The following DTNA variants were observed in gnomAD, a reference collection of about 807,000 sequenced individuals.
DTNA encodes dystrophin-related protein 3.
DTNA carries 43 observed loss-of-function variants against 100.7 expected under a neutral mutation model. That is an observed-to-expected ratio of 0.43 (90% CI 0.33 to 0.55). The LOEUF is 0.55. DTNA is among the 20% of genes least tolerant of loss of function. The pLI, the probability that DTNA is intolerant of heterozygous loss-of-function variation, is 0.04. For missense variants in DTNA, 798 were observed against 953.9 expected (o/e 0.84, Z 2.15); for synonymous variants, 349 against 347.9 (o/e 1.00, Z -0.04).
chr18:34,812,840 G>A lies in DTNA; in HGVS notation c.603+727G>A, dbSNP rs930267703. 2.0e-5 allele frequency among the ~76,000 whole-genome samples: 3 copies of A among 152,060 alleles called. No individual in the cohort carries two copies. The South Asian group carries it at 6.2e-4, about 32-fold the overall frequency. On this transcript the variant is annotated intron_variant, in intron 6 of 22. Coordinates refer to ENST00000444659, the MANE Select transcript of DTNA (RefSeq NM_001386795.1). ...CTCATGTGAAATATATGCTTGACCC[G>A]GCAACAAGCTTTAACATTGGTTTAG...
chr18:34,890,629 G>A lies in DTNA; in HGVS notation c.*2895G>A, dbSNP rs190514847. 3 of 920,698 alleles carry A rather than the reference G, an allele frequency of 3.3e-6. No individual in the cohort carries two copies. Among genetic ancestry groups the A allele is most frequent in the African/African-American group, 3.3e-5 (2 of 59,896 alleles). The allele number at this position is 920,698 out of a possible 1,614,324, so 57.0% of individuals were successfully genotyped here. A position where few individuals can be genotyped will look rare whatever the true frequency, so the allele number is the denominator to read the frequency against. On this transcript the variant is annotated 3_prime_UTR_variant, in exon 23 of 23. Transcript: ENST00000444659. ...CCATATTAATGGAGGAGGGGAGGAA[G>A]GTGAAATCTACTGCATGGGATTCAG...
chr18:34,605,662 C>T (rs1229059699), intron 1 of DTNA, among the ~76,000 whole-genome samples: 1 of 151,926 alleles, frequency 6.6e-6, no homozygotes, highest in East Asian at 1.9e-4. Context: ...CACACACACA[C>T]ACACACACAC....
At chr18:34,567,232 T>G (rs529746439) in intron 1 of DTNA, among the ~76,000 whole-genome samples, 96 of 152,334 alleles carry the variant, frequency 6.3e-4, no homozygotes, top group African/African-American at 2.2e-3. Context: ...TTTATTTTAA[T>G]TGTTAACAAT....
At position 34,510,052 on chromosome 18, in the gene DTNA, TGTGA is replaced by T. The variant is rs1223208382; in HGVS notation, c.-2+16546_-2+16549del. On this transcript the variant is annotated intron_variant, in intron 1 of 19. Coordinates refer to the DTNA transcript ENST00000283365. ...GGATAAAAATAGTCCTGTGGTTTCA[TGTGA>T]GTGAGTGTAATTTTGTGTGTGTGTG... Among the ~76,000 whole-genome samples, 70 of 137,238 alleles carry T rather than the reference TGTGA, an allele frequency of 5.1e-4. 1 individual carries two copies. In the Middle Eastern group the frequency reaches 0.011, roughly 21 times the overall value. 90.0% of individuals were successfully genotyped at this position (137,238 alleles called of 152,430 possible). A position where few individuals can be genotyped will look rare whatever the true frequency, so the allele number is the denominator to read the frequency against.
chr18:34,849,320 G>A (rs1266681466), intron 14 of DTNA, among the ~76,000 whole-genome samples: 1 of 152,146 alleles, frequency 6.6e-6, no homozygotes, highest in Non-Finnish European at 1.5e-5. Flanking sequence ...TGAAAGTAAA[G>A]GCAAAACAAG....
At chr18:34,640,533 G>A (rs781677793) in intron 1 of DTNA, among the ~76,000 whole-genome samples, 3 of 152,136 alleles carry the variant, frequency 2.0e-5, no homozygotes, top group Non-Finnish European at 4.4e-5. Context: ...ACATTCATTC[G>A]TTCACTTATT....
chr18:34,543,127 AT>A (rs1356795960), intron 1 of DTNA, among the ~76,000 whole-genome samples: 1 of 152,054 alleles, frequency 6.6e-6, no homozygotes, highest in Non-Finnish European at 1.5e-5. Flanking sequence ...CTTTAATAAA[AT>A]TTCCAGAAAT....
chr18:34,510,206 C>T (rs145526146), intron 1 of DTNA, among the ~76,000 whole-genome samples: 2 of 151,564 alleles, frequency 1.3e-5, no homozygotes, highest in East Asian at 1.9e-4. Context: ...TGCTCCTGCC[C>T]ATTTATGAAC....
At chr18:34,652,059 C>G (rs2060509576) in intron 1 of DTNA, among the ~76,000 whole-genome samples, 1 of 150,864 alleles carries the variant, frequency 6.6e-6, no homozygotes, top group East Asian at 1.9e-4. Context: ...GATTGCGACC[C>G]TGTCTCAAAA....
chr18:34,736,858 T>C (rs2089703179), intron 1 of DTNA, among the ~76,000 whole-genome samples: 1 of 152,202 alleles, frequency 6.6e-6, no homozygotes, highest in Admixed American at 6.5e-5. Context: ...TCTGTCTTGT[T>C]CTAGAAATGA....
chr18:34,777,497 C>T (rs1352172487), intron 3 of DTNA, among the ~76,000 whole-genome samples: 1 of 152,194 alleles, frequency 6.6e-6, no homozygotes, highest in Non-Finnish European at 1.5e-5. Context: ...CATTTTCACA[C>T]TGTATTAGTT....
At chr18:34,774,987 G>C (rs1011972151) in intron 3 of DTNA, among the ~76,000 whole-genome samples, 2 of 152,170 alleles carry the variant, frequency 1.3e-5, no homozygotes, top group African/African-American at 4.8e-5. Flanking sequence ...CAAATGCCTA[G>C]TCCAAAACAT....
intron 18 of DTNA, among the ~76,000 whole-genome samples, chr18:34,876,903 C>A (rs1177373036): frequency 6.6e-6 from 1 of 151,858 alleles, no homozygotes; most frequent in African/African-American, 2.4e-5. Context: ...TTGTGATTTC[C>A]ATTATAATTA....
chr18:34,700,933 T>C (rs1227500746), intron 1 of DTNA, among the ~76,000 whole-genome samples: 2 of 152,170 alleles, frequency 1.3e-5, no homozygotes, highest in Non-Finnish European at 2.9e-5. Flanking sequence ...CTTCAACTCC[T>C]TTTTCCCTAG....
chr18:34,673,732 A>G (rs2077055917), intron 1 of DTNA, among the ~76,000 whole-genome samples: 2 of 152,142 alleles, frequency 1.3e-5, no homozygotes, highest in South Asian at 2.1e-4. Context: ...TGCTGAAGGT[A>G]TATATTTTTT....
chr18:34,571,933 C>A (rs893381698), intron 1 of DTNA, among the ~76,000 whole-genome samples: 3 of 152,130 alleles, frequency 2.0e-5, no homozygotes, highest in Non-Finnish European at 2.9e-5. Flanking sequence ...GGCAACACAG[C>A]GTTCATTTTT....
At chr18:34,768,721 T>A (rs2093616545) in intron 3 of DTNA, among the ~76,000 whole-genome samples, 2 of 152,238 alleles carry the variant, frequency 1.3e-5, no homozygotes, top group Non-Finnish European at 2.9e-5. Context: ...TTCATTGACC[T>A]CTTAATTCAG....
At chr18:34,647,112 A>G (rs12953361) in intron 1 of DTNA, among the ~76,000 whole-genome samples, 760 of 152,066 alleles carry the variant, frequency 5.0e-3, no homozygotes, top group Non-Finnish European at 8.7e-3. Flanking sequence ...TACCTGTCCA[A>G]TGGTTCCTCT....
Position 34,879,572 on chromosome 18 carries a change from G to C in DTNA, c.2015G>C (p.Ser672Thr). The C allele has an allele frequency of 6.2e-7, 1 of 1,614,094 alleles. No individual in the cohort carries two copies. The highest frequency in any genetic ancestry group is 8.5e-7 in the Non-Finnish European group (1 of 1,179,982). ...LNSEVGSETE[S>T]NVDSEFARTQ... ...CTAGAGGTTGGGAGTGAAACAGAGA[G>C]TAATGTGGATTCTGAATTTGCACGG... Residue 672 changes from serine to threonine, a missense_variant, in exon 20 of 23, where the codon AGT (serine) becomes ACT (threonine). Physicochemically the swap from Ser to Thr is moderately conservative, Grantham distance 58. Coordinates refer to ENST00000444659, the MANE Select transcript of DTNA (RefSeq NM_001386795.1).
Sources: gnomAD v4.1 joint callset for allele counts (sites outside exome capture counted in the v4.1 genomes callset) on GRCh38, gnomAD v4.1.1 for gene constraint, MANE v1.5 for transcripts, NCBI Gene and HGNC (gene_info 2026-07-23, HGNC 2026-07-21) for gene names.